The following MDFIC variants were observed in gnomAD, a reference collection of about 807,000 sequenced individuals.
The protein encoded by MDFIC is MyoD family inhibitor domain containing, also known as myoD family inhibitor domain-containing protein.
A neutral mutation model predicts 23.2 loss-of-function variants in MDFIC; 17 were observed. The observed-to-expected ratio is 0.73, with a 90% confidence interval of 0.50 to 1.10. The LOEUF (loss-of-function observed/expected upper bound fraction) is 1.10, where lower values mean the gene tolerates loss of function less well. Among genes scored for constraint, MDFIC ranks in the 50% least tolerant of loss-of-function variants. The pLI is 0.00. For missense variants in MDFIC, 356 were observed against 316.6 expected, an observed-to-expected ratio of 1.12 and a Z score of -0.95; for synonymous variants, 120 against 115.2, an observed-to-expected ratio of 1.04 and a Z score of -0.27.
At chr7:114,954,312 T>C (rs1017340364) in intron 3 of MDFIC, among the ~76,000 whole-genome samples, 1 of 152,234 alleles carries the variant, frequency 6.6e-6, no homozygotes, top group Non-Finnish European at 1.5e-5. Context: ...GCTTCTTGTC[T>C]TCACCTGACT....
chr7:115,003,009 T>A (rs989072073), intron 4 of MDFIC, among the ~76,000 whole-genome samples: 1 of 152,198 alleles, frequency 6.6e-6, no homozygotes, highest in Non-Finnish European at 1.5e-5. Flanking sequence ...CACTTTTCAG[T>A]CACTCCTCAC....
chr7:114,998,914 A>G (rs529011047), intron 4 of MDFIC, among the ~76,000 whole-genome samples: 29 of 152,290 alleles, frequency 1.9e-4, no homozygotes, highest in African/African-American at 6.7e-4. Flanking sequence ...TGACTGTTTT[A>G]TGCTCTAGTA....
In MDFIC at chr7:114,974,176, T is replaced by A. The variant is rs112797687; in HGVS notation, c.218-5330T>A. 4.8e-3 allele frequency among the ~76,000 whole-genome samples: 725 copies of A among 152,226 alleles called. 5 individuals are homozygous for A. Among genetic ancestry groups the A allele is most frequent in the African/African-American group, 0.015 (622 of 41,528 alleles). On this transcript the variant is annotated intron_variant, in intron 3 of 4. Coordinates refer to ENST00000393486, the MANE Select transcript of MDFIC (RefSeq NM_001166345.3). ...TATTTTAGTTGATTTTAGCCTAAAT[T>A]CACATTATATAGCAATAAAAATGTA...
At position 114,922,567 on chromosome 7, in the gene MDFIC, A is replaced by G; in HGVS notation, c.-177A>G. The G allele has an allele frequency of 7.9e-7, 1 of 1,269,024 alleles. No individual in the cohort carries two copies. Among genetic ancestry groups the G allele is most frequent in the Non-Finnish European group, 1.0e-6 (1 of 1,000,412 alleles). 78.6% of individuals were successfully genotyped at this position (1,269,024 alleles called of 1,614,324 possible). Reference sequence around the variant, plus strand: ...ATGCGGCCGCTGCCGGAGGCTCGCTAACTTTCCGGGGCGGAAGAGGAGGAG... The same window carrying G: ...ATGCGGCCGCTGCCGGAGGCTCGCTGACTTTCCGGGGCGGAAGAGGAGGAG... On this transcript the variant is annotated 5_prime_UTR_variant, in exon 1 of 5. An upstream open reading frame in the 5' UTR loses its in-frame stop. Transcript: ENST00000393486.
chr7:114,991,809 C>T (rs551322039), intron 4 of MDFIC, among the ~76,000 whole-genome samples: 1 of 152,140 alleles, frequency 6.6e-6, no homozygotes, highest in Non-Finnish European at 1.5e-5. Flanking sequence ...GTTCTTTTGG[C>T]TTAGGATTGT....
chr7:114,993,915 T>C (rs1268171606), intron 4 of MDFIC, among the ~76,000 whole-genome samples: 1 of 152,194 alleles, frequency 6.6e-6, no homozygotes, highest in African/African-American at 2.4e-5. Flanking sequence ...GTTAACTTTC[T>C]GTCTCGTTGA....
intron 4 of MDFIC, among the ~76,000 whole-genome samples, chr7:114,982,872 G>A (rs1409527781): frequency 6.6e-6 from 1 of 152,190 alleles, no homozygotes; most frequent in Non-Finnish European, 1.5e-5. Flanking sequence ...TCCTTGGAAA[G>A]GGAGGAGCGT....
At chr7:114,959,076 G>A (rs534983851) in intron 3 of MDFIC, among the ~76,000 whole-genome samples, 30 of 152,304 alleles carry the variant, frequency 2.0e-4, no homozygotes, top group African/African-American at 6.7e-4. Flanking sequence ...AAGCACAAAT[G>A]TGTGGGAGTG....
chr7:115,014,848 ATTTG>A (rs781356736), intron 4 of MDFIC, among the ~76,000 whole-genome samples: 27 of 152,308 alleles, frequency 1.8e-4, no homozygotes, highest in Non-Finnish European at 3.8e-4. Context: ...TTAAATTATA[ATTTG>A]TTTGATTTCT....
In MDFIC at chr7:114,952,823, G is replaced by A. The variant is rs192922503; in HGVS notation, c.217+10426G>A. 9.9e-3 allele frequency among the ~76,000 whole-genome samples: 1,502 copies of A among 152,158 alleles called. 15 individuals carry two copies. Among genetic ancestry groups the A allele is most frequent in the Non-Finnish European group, 0.016 (1,113 of 67,998 alleles). On this transcript the variant is annotated intron_variant, in intron 3 of 4. Transcript: ENST00000393486. ...CATCATTCCCTGTCTTTATGAAAAAGATATTAATATATCATTTATGTGTAG... is the reference window on the plus strand; with the variant it reads ...CATCATTCCCTGTCTTTATGAAAAAAATATTAATATATCATTTATGTGTAG...
chr7:114,986,119 T>G (rs1793508888), intron 4 of MDFIC, among the ~76,000 whole-genome samples: 1 of 151,844 alleles, frequency 6.6e-6, no homozygotes, highest in Non-Finnish European at 1.5e-5. Flanking sequence ...CTTGGGATGC[T>G]AATGAGCTCT....
chr7:114,939,869 T>C (rs901526519), intron 2 of MDFIC, among the ~76,000 whole-genome samples: 3 of 152,212 alleles, frequency 2.0e-5, no homozygotes, highest in Non-Finnish European at 2.9e-5. Flanking sequence ...AAGTTACTAA[T>C]TGAATCAAGC....
chr7:114,985,867 A>G (rs1422880698), intron 4 of MDFIC, among the ~76,000 whole-genome samples: 2 of 151,870 alleles, frequency 1.3e-5, no homozygotes, highest in Non-Finnish European at 2.9e-5. Context: ...TCTAAAGGAC[A>G]TCATATCCCA....
Position 114,922,382 on chromosome 7 carries a change from CGGCTGGAGTGAGCT to C in MDFIC, c.-354_-341del, listed in dbSNP as rs1247168913. On this transcript the variant is annotated 5_prime_UTR_variant, in exon 1 of 5. Transcript: ENST00000393486. ...GGGGAAGGCCCCCTCGCAGGGGAGC[CGGCTGGAGTGAGCT>C]GGCTGGAAAGAGGGGGCGGAGTGCG... is the stretch of plus-strand genomic sequence containing the variant. 4.9e-6 allele frequency: 6 copies of C among 1,234,384 alleles called. No homozygotes were observed. Among genetic ancestry groups the C allele is most frequent in the East Asian group, 3.2e-5 (1 of 31,714 alleles). 76.5% of individuals were successfully genotyped at this position (1,234,384 alleles called of 1,614,324 possible). A position where few individuals can be genotyped will look rare whatever the true frequency, so the allele number is the denominator to read the frequency against.
intron 2 of MDFIC, among the ~76,000 whole-genome samples, chr7:114,935,074 G>A (rs1792397446): frequency 1.3e-5 from 2 of 152,052 alleles, no homozygotes; most frequent in African/African-American, 2.4e-5. Flanking sequence ...GGAAAATACA[G>A]ACCTAGTTTT....
At chr7:114,937,161 T>C (rs1462299241) in intron 2 of MDFIC, among the ~76,000 whole-genome samples, 1 of 152,300 alleles carries the variant, frequency 6.6e-6, no homozygotes, top group Non-Finnish European at 1.5e-5. Flanking sequence ...TCTATTTACC[T>C]GAATATTTTT....
Position 114,933,707 on chromosome 7 carries a change from G to C in MDFIC, c.95-8568G>C, listed in dbSNP as rs1440987395. Reference sequence around the variant, plus strand: ...GCTATTGCGTCTATAAGAGTGATTAGAATGTGATGCCTCTGAAAAGCCACT... The same window carrying C: ...GCTATTGCGTCTATAAGAGTGATTACAATGTGATGCCTCTGAAAAGCCACT... On this transcript the variant is annotated intron_variant, in intron 2 of 4. Coordinates refer to ENST00000393486, the MANE Select transcript of MDFIC (RefSeq NM_001166345.3). Among the ~76,000 whole-genome samples the C allele has an allele frequency of 3.3e-5, 5 of 152,210 alleles. No homozygotes were observed. The South Asian group carries it at 8.3e-4, about 25-fold the overall frequency.
intron 4 of MDFIC, among the ~76,000 whole-genome samples, chr7:115,007,759 G>A (rs889389339): frequency 1.6e-4 from 24 of 148,916 alleles, no homozygotes; most frequent in African/African-American, 5.2e-4. Context: ...CTATAGCCTC[G>A]ACCTTCTGGG....
intron 4 of MDFIC, among the ~76,000 whole-genome samples, chr7:115,008,886 C>A (rs982371378): frequency 1.3e-5 from 2 of 152,282 alleles, no homozygotes; most frequent in Non-Finnish European, 2.9e-5. Context: ...AAGCCTTCAC[C>A]CAGTCAGACT....
Sources: allele counts gnomAD v4.1 joint callset (sites outside exome capture counted in the v4.1 genomes callset), GRCh38; gene constraint gnomAD v4.1.1; transcripts MANE v1.5; gene names NCBI Gene and HGNC (gene_info 2026-07-23, HGNC 2026-07-21).